MARCHF1: variants seen among roughly 807,000 people sequenced by gnomAD.
The protein encoded by MARCHF1 is membrane associated ring-CH-type finger 1, also known as E3 ubiquitin-protein ligase MARCHF1.
MARCHF1 carries 40 observed loss-of-function variants against 54.2 expected under a neutral mutation model. The observed-to-expected ratio is 0.74, with a 90% CI of 0.57 to 0.96. The LOEUF (loss-of-function observed/expected upper bound fraction) is 0.96, where lower values mean the gene tolerates loss of function less well. Ranked by LOEUF, MARCHF1 falls within the 40% of genes least tolerant of loss-of-function variation. MARCHF1 has a pLI of 0.00. For missense variants in MARCHF1, 586 were observed against 656.5 expected (o/e 0.89, Z 1.17); for synonymous variants, 236 against 236.3 (o/e 1.00, Z 0.01).
chr4:164,188,727 T>A lies in MARCHF1; in HGVS notation c.-322-77065A>T, dbSNP rs1377861393. The A allele has an allele frequency of 6.7e-6, 7 of 1,038,414 alleles. No individual in the cohort carries two copies. In the East Asian group the frequency reaches 1.4e-4, roughly 21 times the overall value. 64.3% of individuals were successfully genotyped at this position (1,038,414 alleles called of 1,614,324 possible). On this transcript the variant is annotated intron_variant, in intron 1 of 9. Coordinates refer to ENST00000514618, the MANE Select transcript of MARCHF1 (RefSeq NM_001394959.1). ...CAGCAGGACATCAAGTTCTTGCGGT[T>A]CAAGGTAGTTGAAAAGAAAACTAAA...
chr4:164,174,172 T>A (rs1227813542), intron 1 of MARCHF1, among the ~76,000 whole-genome samples: 4 of 152,194 alleles, frequency 2.6e-5, no homozygotes, highest in Admixed American at 6.5e-5. Flanking sequence ...TTGAGCTTTA[T>A]GTGTGACTAG....
chr4:164,091,747 T>C (rs1039497174), intron 2 of MARCHF1, among the ~76,000 whole-genome samples: 2 of 151,980 alleles, frequency 1.3e-5, no homozygotes, highest in Non-Finnish European at 2.9e-5. Flanking sequence ...AAATACTGGA[T>C]ATGTGACAAA....
intron 1 of MARCHF1, among the ~76,000 whole-genome samples, chr4:164,147,544 A>G (rs1037718653): frequency 5.3e-5 from 7 of 132,934 alleles, no homozygotes; most frequent in African/African-American, 2.1e-4. Context: ...GAAATTGGAA[A>G]TCATCATTCT....
chr4:163,638,148 C>T (rs548360194), intron 5 of MARCHF1, among the ~76,000 whole-genome samples: 33 of 147,106 alleles, frequency 2.2e-4, no homozygotes, highest in Middle Eastern at 3.5e-3. Flanking sequence ...TGCTAGATGA[C>T]GAGTTAGTGG....
In MARCHF1 at chr4:163,574,292, T is replaced by C. The variant is rs564115851; in HGVS notation, c.1191+11457A>G. 1.2e-3 allele frequency among the ~76,000 whole-genome samples: 187 copies of C among 152,294 alleles called. 2 individuals carry two copies. Among genetic ancestry groups the C allele is most frequent in the African/African-American group, 4.3e-3 (179 of 41,554 alleles). The stretch of plus-strand genomic sequence containing the variant: ...CTGTTCACTCTGATGGTAGTTTCTT[T>C]TGCTGTGCAGAAGCTCTTTAGTTTC... On this transcript the variant is annotated intron_variant, in intron 8 of 9. Coordinates refer to ENST00000514618, the MANE Select transcript of MARCHF1 (RefSeq NM_001394959.1).
intron 1 of MARCHF1, among the ~76,000 whole-genome samples, chr4:164,137,441 T>C (rs1474309732): frequency 1.3e-5 from 2 of 152,186 alleles, no homozygotes; most frequent in Non-Finnish European, 2.9e-5. Context: ...GTAACATATT[T>C]CATGCAACAT....
intron 1 of MARCHF1, among the ~76,000 whole-genome samples, chr4:164,370,419 A>G (rs1350678480): frequency 6.6e-6 from 1 of 152,220 alleles, no homozygotes; most frequent in Non-Finnish European, 1.5e-5. Context: ...TACACCTGCT[A>G]AGAGGCAGAG....
intron 3 of MARCHF1, among the ~76,000 whole-genome samples, chr4:163,898,004 T>C (rs1369593363): frequency 7.6e-6 from 1 of 131,708 alleles, no homozygotes; most frequent in Non-Finnish European, 1.5e-5. Context: ...GAGCTTGCAG[T>C]GAGCCAAGAT....
intron 1 of MARCHF1, among the ~76,000 whole-genome samples, chr4:164,282,833 C>T (rs1375181856): frequency 2.0e-5 from 3 of 151,156 alleles, no homozygotes; most frequent in Non-Finnish European, 4.4e-5. Flanking sequence ...TAGCCAGGTA[C>T]GATGACTCCC....
chr4:163,833,404 AG>A (rs1280936178), intron 4 of MARCHF1, among the ~76,000 whole-genome samples: 1 of 152,202 alleles, frequency 6.6e-6, no homozygotes, highest in Non-Finnish European at 1.5e-5. Context: ...GCACAGCAAA[AG>A]AAACCACCAT....
At chr4:163,587,464 C>A (rs1045317266) in intron 7 of MARCHF1, among the ~76,000 whole-genome samples, 2 of 152,136 alleles carry the variant, frequency 1.3e-5, no homozygotes. Flanking sequence ...ATGTCTCTTG[C>A]AGCAACATGG....
chr4:164,101,703 C>T (rs1407528923), intron 2 of MARCHF1, among the ~76,000 whole-genome samples: 8 of 127,132 alleles, frequency 6.3e-5, no homozygotes, highest in South Asian at 2.9e-4. Context: ...AAAATCAGAG[C>T]GCCTCTCCTC....
intron 1 of MARCHF1, among the ~76,000 whole-genome samples, chr4:164,238,183 A>C (rs974531903): frequency 6.6e-5 from 10 of 152,124 alleles, no homozygotes; most frequent in Admixed American, 6.5e-4. Context: ...CTTTTCTTGA[A>C]AGTTATTTCC....
intron 1 of MARCHF1, among the ~76,000 whole-genome samples, chr4:164,211,335 A>G (rs79938547): frequency 0.12 from 8,992 of 77,504 alleles, 304 homozygotes; most frequent in Middle Eastern, 0.19. Context: ...ATGTATGTAT[A>G]TATATATATA....
intron 3 of MARCHF1, among the ~76,000 whole-genome samples, chr4:163,918,315 T>TGG (rs1751353973): frequency 6.6e-6 from 1 of 152,156 alleles, no homozygotes; most frequent in Admixed American, 6.6e-5. Flanking sequence ...GCAAATTCTT[T>TGG]ATTAGATGTA....
chr4:164,007,247 G>C (rs1318745876), intron 2 of MARCHF1, among the ~76,000 whole-genome samples: 1 of 148,908 alleles, frequency 6.7e-6, no homozygotes, highest in Non-Finnish European at 1.5e-5. Context: ...TCGGGAGGCT[G>C]AGGCAGGAGA....
intron 2 of MARCHF1, among the ~76,000 whole-genome samples, chr4:164,088,280 C>T (rs1755230960): frequency 6.6e-6 from 1 of 152,094 alleles, no homozygotes; most frequent in African/African-American, 2.4e-5. Context: ...CAAAGGTTCC[C>T]ATGAGAAGTA....
intron 4 of MARCHF1, among the ~76,000 whole-genome samples, chr4:163,789,490 A>C (rs1747712075): frequency 6.6e-6 from 1 of 152,008 alleles, no homozygotes; most frequent in Admixed American, 6.6e-5. Context: ...TGCACCCCTG[A>C]ACTTAAAAGT....
At chr4:164,114,045 G>T (rs2110741610) in intron 1 of MARCHF1, among the ~76,000 whole-genome samples, 1 of 152,010 alleles carries the variant, frequency 6.6e-6, no homozygotes, top group East Asian at 1.9e-4. Context: ...ATAAAGGAGG[G>T]ACAAGTTGGT....
Sources: allele counts gnomAD v4.1 joint callset (sites outside exome capture counted in the v4.1 genomes callset), GRCh38; gene constraint gnomAD v4.1.1; transcripts MANE v1.5; gene names NCBI Gene and HGNC (gene_info 2026-07-23, HGNC 2026-07-21).